Variants in RBFOX1 observed in about 807,000 individuals in gnomAD.
RBFOX1 encodes RNA binding fox-1 homolog 1.
A neutral mutation model predicts 57.7 loss-of-function variants in RBFOX1; 8 were observed. The observed-to-expected ratio is 0.14, with a 90% CI of 0.08 to 0.25. RBFOX1 has a LOEUF of 0.25. RBFOX1 is among the 10% of genes least tolerant of loss of function. RBFOX1 has a pLI of 1.00. For synonymous variants in RBFOX1, 326 were observed against 222.4 expected, an observed-to-expected ratio of 1.47 and a Z score of -4.15; for missense variants, 611 against 548.5, an observed-to-expected ratio of 1.11 and a Z score of -1.14.
intron 2 of RBFOX1, among the ~76,000 whole-genome samples, chr16:6,326,255 A>G (rs2082356432): frequency 6.6e-6 from 1 of 152,116 alleles, no homozygotes; most frequent in African/African-American, 2.4e-5. Context: ...AAAAATTTTG[A>G]TTTTGGATTC....
In RBFOX1 at chr16:5,380,492, G is replaced by A. The variant is rs77520797; in HGVS notation, c.220-86724G>A. 7.8e-3 allele frequency among the ~76,000 whole-genome samples: 1,181 copies of A among 152,296 alleles called. 18 individuals are homozygous for A. The highest frequency in any genetic ancestry group is 0.026 in the African/African-American group (1,095 of 41,558). On this transcript the variant is annotated intron_variant, in intron 1 of 2. Transcript: ENST00000585867. ...GTGCACTTGTACTTGTTGGGTACCT[G>A]TATAAGTAAATGCATAGCAGAGGGT...
intron 3 of RBFOX1, among the ~76,000 whole-genome samples, chr16:6,770,471 T>G (rs890964793): frequency 1.3e-5 from 2 of 152,252 alleles, no homozygotes; most frequent in African/African-American, 4.8e-5. Flanking sequence ...CGGCAGCTTT[T>G]GGGTACCACG....
intron 9 of RBFOX1, among the ~76,000 whole-genome samples, chr16:7,602,390 G>GC (rs1233723657): frequency 6.6e-6 from 1 of 152,144 alleles, no homozygotes; most frequent in Non-Finnish European, 1.5e-5. Context: ...GGCTGGGGGG[G>GC]CCCTGGGAGG....
intron 13 of RBFOX1, among the ~76,000 whole-genome samples, chr16:7,666,902 G>A (rs1305413020): frequency 6.6e-6 from 1 of 152,140 alleles, no homozygotes; most frequent in African/African-American, 2.4e-5. Flanking sequence ...TGCAGCTCGG[G>A]AAGCATCAGG....
chr16:6,772,763 GCATATGTTGGGA>G (rs2078542852), intron 3 of RBFOX1, among the ~76,000 whole-genome samples: 1 of 150,406 alleles, frequency 6.6e-6, no homozygotes, highest in South Asian at 2.1e-4. Context: ...GTGTGTGTGT[GCATATGTTGGGA>G]TGTGGGGTGC....
At chr16:6,032,502 C>G (rs1458218784) in intron 1 of RBFOX1, among the ~76,000 whole-genome samples, 1 of 152,158 alleles carries the variant, frequency 6.6e-6, no homozygotes, top group Non-Finnish European at 1.5e-5. Flanking sequence ...ATGATCCTGT[C>G]TTTACGTAAT....
intron 3 of RBFOX1, among the ~76,000 whole-genome samples, chr16:5,831,921 A>G (rs2056289140): frequency 6.6e-6 from 1 of 152,220 alleles, no homozygotes; most frequent in Admixed American, 6.5e-5. Context: ...ACTGCCTGAA[A>G]TAGAGTTCGG....
intron 3 of RBFOX1, among the ~76,000 whole-genome samples, chr16:6,851,224 G>A (rs2094043390): frequency 1.3e-5 from 2 of 152,144 alleles, no homozygotes; most frequent in South Asian, 4.1e-4. Flanking sequence ...GCATTCTTGA[G>A]TTTAAAATTC....
At chr16:5,622,560 T>A (rs59298027) in intron 3 of RBFOX1, among the ~76,000 whole-genome samples, 1 of 152,220 alleles carries the variant, frequency 6.6e-6, no homozygotes, top group Non-Finnish European at 1.5e-5. Context: ...TGGTACTTTT[T>A]AAAAAATCCA....
chr16:7,388,969 C>T (rs920362632), intron 4 of RBFOX1, among the ~76,000 whole-genome samples: 1 of 151,886 alleles, frequency 6.6e-6, no homozygotes. Flanking sequence ...TAATAGAGTG[C>T]CTAATACAGA....
intron 3 of RBFOX1, among the ~76,000 whole-genome samples, chr16:5,737,576 C>G (rs540720231): frequency 3.1e-4 from 45 of 147,418 alleles, no homozygotes; most frequent in African/African-American, 9.3e-4. Context: ...CTGCCTTATC[C>G]TGCTGCTATG....
chr16:6,450,873 A>G (rs74007356), intron 2 of RBFOX1, among the ~76,000 whole-genome samples: 14,164 of 47,638 alleles, frequency 0.3, 4,207 homozygotes, highest in East Asian at 0.54. Context: ...ATATATATAT[A>G]TCTCCTCTGA....
In RBFOX1 at chr16:5,845,304, T is replaced by C. The variant is rs556603637; in HGVS notation, c.319-21999T>C. On this transcript the variant is annotated intron_variant, in intron 3 of 19. Coordinates refer to the RBFOX1 transcript ENST00000641259. The stretch of plus-strand genomic sequence containing the variant: ...CTGTTCTGAATATTCATTTCCTCCT[T>C]CTTCTGGACCAATTACCCAGCACTG... Among the ~76,000 whole-genome samples the C allele has an allele frequency of 7.9e-5, 12 of 152,240 alleles. No homozygotes were observed. In the South Asian group the frequency reaches 2.5e-3, roughly 32 times the overall value.
intron 3 of RBFOX1, among the ~76,000 whole-genome samples, chr16:6,908,515 C>G (rs1247278789): frequency 6.6e-6 from 1 of 152,198 alleles, no homozygotes. Flanking sequence ...TTATAGCTGA[C>G]AACTCACTTA....
At chr16:6,598,720 G>A in intron 2 of RBFOX1, among the ~76,000 whole-genome samples, 1 of 152,174 alleles carries the variant, frequency 6.6e-6, no homozygotes, top group Non-Finnish European at 1.5e-5. Flanking sequence ...GGCTGAGGCA[G>A]GCAGATCACG....
intron 3 of RBFOX1, among the ~76,000 whole-genome samples, chr16:6,830,693 G>C (rs1380594341): frequency 6.6e-6 from 1 of 152,154 alleles, no homozygotes; most frequent in Non-Finnish European, 1.5e-5. Context: ...ACAGTGTCTT[G>C]GTTAAGAAAC....
Position 6,735,682 on chromosome 16 carries a change from C to T in RBFOX1, c.-16+81032C>T, listed in dbSNP as rs532092535. ...AACAATGCTGAGACTCTCTCAGATC[C>T]CTAGGGTTGCATTTCCCCTAGAAAC... On this transcript the variant is annotated intron_variant, in intron 3 of 15. Coordinates refer to ENST00000550418, the MANE Select transcript of RBFOX1 (RefSeq NM_018723.4). Among the ~76,000 whole-genome samples, 4 of 152,252 alleles carry T rather than the reference C, an allele frequency of 2.6e-5. No homozygotes were observed. The East Asian group carries it at 7.7e-4, about 29-fold the overall frequency.
intron 4 of RBFOX1, among the ~76,000 whole-genome samples, chr16:7,385,078 C>T (rs561509232): frequency 3.1e-4 from 47 of 152,306 alleles, no homozygotes; most frequent in African/African-American, 8.2e-4. Flanking sequence ...GAAAGATGAA[C>T]AGATCCCTGG....
At chr16:7,160,069 A>G (rs1057122409) in intron 4 of RBFOX1, among the ~76,000 whole-genome samples, 7 of 152,180 alleles carry the variant, frequency 4.6e-5, no homozygotes, top group Non-Finnish European at 1.0e-4. Context: ...TAAATATTCA[A>G]GGGACTCATA....
Sources: allele counts gnomAD v4.1 joint callset (sites outside exome capture counted in the v4.1 genomes callset), GRCh38; gene constraint gnomAD v4.1.1; transcripts MANE v1.5; gene names NCBI Gene and HGNC (gene_info 2026-07-23, HGNC 2026-07-21).